The following DLG5 variants were observed in gnomAD, a reference collection of about 807,000 sequenced individuals.
DLG5 encodes disks large homolog 5.
A neutral mutation model predicts 189.8 loss-of-function variants in DLG5; 48 were observed. The ratio of observed to expected loss-of-function variants is 0.25; its 90% CI spans 0.20 to 0.32. The LOEUF (loss-of-function observed/expected upper bound fraction) is 0.32. Among genes scored for constraint, DLG5 ranks in the 10% least tolerant of loss-of-function variants. The pLI is 1.00. For synonymous variants in DLG5, 1,016 were observed against 1,054.1 expected, an observed-to-expected ratio of 0.96 and a Z score of 0.70; for missense variants, 2,160 against 2,544.7, an observed-to-expected ratio of 0.85 and a Z score of 3.25.
intron 2 of DLG5, among the ~76,000 whole-genome samples, chr10:77,858,345 CA>C (rs1281154413): frequency 6.6e-6 from 1 of 151,662 alleles, no homozygotes; most frequent in East Asian, 1.9e-4. Flanking sequence ...ACAAAAAATA[CA>C]AAAATTAGCC....
Position 77,830,364 on chromosome 10 carries a change from A to C in DLG5, c.1882-20T>G. ...ATCCTCCTGCAAAAACAGCAGCAACAGCAACGCATTTCACAAAGCAGTGAC... is the reference window on the plus strand; with the variant it reads ...ATCCTCCTGCAAAAACAGCAGCAACCGCAACGCATTTCACAAAGCAGTGAC... On this transcript the variant is annotated intron_variant, in intron 10 of 31. Coordinates refer to ENST00000372391, the MANE Select transcript of DLG5 (RefSeq NM_004747.4). The C allele has an allele frequency of 6.2e-7, 1 of 1,614,152 alleles. No individual in the cohort carries two copies. Among genetic ancestry groups the C allele is most frequent in the Non-Finnish European group, 8.5e-7 (1 of 1,180,020 alleles).
intron 1 of DLG5, among the ~76,000 whole-genome samples, chr10:77,891,094 G>A (rs533990182): frequency 2.0e-5 from 3 of 152,178 alleles, no homozygotes; most frequent in Admixed American, 6.5e-5. Flanking sequence ...AGACCTCTCC[G>A]AGGAGTTTCC....
intron 5 of DLG5, among the ~76,000 whole-genome samples, chr10:77,852,691 G>A (rs908141274): frequency 1.2e-4 from 18 of 152,164 alleles, no homozygotes; most frequent in Admixed American, 1.3e-4. Flanking sequence ...GATTACAGGC[G>A]TGAGCCACCG....
intron 27 of DLG5, among the ~76,000 whole-genome samples, chr10:77,799,214 G>A (rs904698753): frequency 6.6e-6 from 1 of 152,054 alleles, no homozygotes; most frequent in African/African-American, 2.4e-5. Flanking sequence ...GCAAAGGCAT[G>A]GTCCTGGGGG....
chr10:77,935,154 C>A, the DLG5 span, among the ~76,000 whole-genome samples: 1 of 151,746 alleles, frequency 6.6e-6, no homozygotes, highest in African/African-American at 2.4e-5. Flanking sequence ...CCGTGCCCAG[C>A]CTTAAATGGG....
At chr10:77,817,146 C>T (rs751244102) in intron 18 of DLG5, 50 bp from the exon 19 acceptor site, 1 of 1,493,888 alleles carries the variant, frequency 6.7e-7, no homozygotes, top group Admixed American at 1.7e-5. Flanking sequence ...TTAAACACCA[C>T]CCTGTCCTTC....
intron 20 of DLG5, among the ~76,000 whole-genome samples, chr10:77,813,648 C>T (rs1232712910): frequency 2.6e-5 from 4 of 152,176 alleles, no homozygotes; most frequent in African/African-American, 4.8e-5. Context: ...CCTGCCCCAG[C>T]CTTAGATGAT....
At chr10:77,856,347 G>A (rs1279903247) in intron 3 of DLG5, among the ~76,000 whole-genome samples, 3 of 152,086 alleles carry the variant, frequency 2.0e-5, no homozygotes, top group South Asian at 2.1e-4. Context: ...GCAAGACCCC[G>A]TCTCAAAAAA....
chr10:77,791,749 C>T lies in DLG5; in HGVS notation c.*691G>A, dbSNP rs1246567029. 2.0e-5 allele frequency: 3 copies of T among 152,978 alleles called. No individual in the cohort carries two copies. Among genetic ancestry groups the T allele is most frequent in the Non-Finnish European group, 4.4e-5 (3 of 68,402 alleles). 9.5% of individuals were successfully genotyped at this position (152,978 alleles called of 1,614,324 possible). On this transcript the variant is annotated 3_prime_UTR_variant, in exon 32 of 32. Coordinates refer to ENST00000372391, the MANE Select transcript of DLG5 (RefSeq NM_004747.4). ...GCACAGATGGAGGAGAAACGAGAGG[C>T]TGTGGAAGGCAGGAGAGAAAGGCCG...
chr10:77,882,347 A>G (rs912858912), intron 1 of DLG5, among the ~76,000 whole-genome samples: 1 of 152,174 alleles, frequency 6.6e-6, no homozygotes, highest in Non-Finnish European at 1.5e-5. Context: ...TACAGTCAGT[A>G]TTTCACAGGC....
chr10:77,830,902 C>A (rs749908668), intron 9 of DLG5, 29 bp from the exon 10 acceptor site: 3 of 1,610,532 alleles, frequency 1.9e-6, no homozygotes, highest in Admixed American at 1.7e-5. Context: ...ACGGTGACAG[C>A]CCCTTGGGAG....
At chr10:77,883,709 T>TA (rs999118821) in intron 1 of DLG5, among the ~76,000 whole-genome samples, 2 of 145,584 alleles carry the variant, frequency 1.4e-5, no homozygotes, top group African/African-American at 2.6e-5. Context: ...TTTTTTTTTT[T>TA]TTTTTGAGAC....
At chr10:77,797,023 G>T (rs527363829) in intron 27 of DLG5, among the ~76,000 whole-genome samples, 1 of 152,152 alleles carries the variant, frequency 6.6e-6, no homozygotes, top group Non-Finnish European at 1.5e-5. Flanking sequence ...AATCTGCACG[G>T]CTAGAACAGG....
At chr10:77,925,493 A>C (rs527962284) in intron 1 of DLG5, among the ~76,000 whole-genome samples, 2 of 152,082 alleles carry the variant, frequency 1.3e-5, no homozygotes, top group Non-Finnish European at 2.9e-5. Flanking sequence ...CATCCCCAAG[A>C]CCAAAGACAC....
At position 77,871,981 on chromosome 10, in the gene DLG5, C is replaced by G. The variant is rs369524854; in HGVS notation, c.305-2784G>C. Among the ~76,000 whole-genome samples, 15 of 152,280 alleles carry G rather than the reference C, an allele frequency of 9.9e-5. No homozygotes were observed. The East Asian group carries it at 2.7e-3, about 27-fold the overall frequency. On this transcript the variant is annotated intron_variant, in intron 1 of 31. Coordinates refer to ENST00000372391, the MANE Select transcript of DLG5 (RefSeq NM_004747.4). The stretch of plus-strand genomic sequence containing the variant: ...AAAGAACAAGAACCCAACACAATGC[C>G]TATTTTCTAAACTCAACTACCATTT...
At chr10:77,903,037 G>A (rs1845975629) in intron 1 of DLG5, among the ~76,000 whole-genome samples, 1 of 152,210 alleles carries the variant, frequency 6.6e-6, no homozygotes, top group Admixed American at 6.5e-5. Context: ...CAAACTTTCA[G>A]AGCATCAACA....
chr10:77,815,294 T>C (rs1841995600), intron 20 of DLG5, among the ~76,000 whole-genome samples: 1 of 152,224 alleles, frequency 6.6e-6, no homozygotes, highest in African/African-American at 2.4e-5. Context: ...CCTCTGTGTT[T>C]TGCTGTCCTT....
At chr10:77,908,350 C>T (rs981293008) in intron 1 of DLG5, among the ~76,000 whole-genome samples, 28 of 152,138 alleles carry the variant, frequency 1.8e-4, no homozygotes, top group African/African-American at 6.3e-4. Flanking sequence ...CTCACCTACC[C>T]ACCTGCGGCC....
At chr10:77,867,179 C>G in intron 2 of DLG5, 1 of 425,246 alleles carries the variant, frequency 2.4e-6, no homozygotes, top group South Asian at 1.7e-5. Flanking sequence ...TCCAGCTGCC[C>G]AAGAAATATC....
Sources: allele counts gnomAD v4.1 joint callset (sites outside exome capture counted in the v4.1 genomes callset), GRCh38; gene constraint gnomAD v4.1.1; transcripts MANE v1.5; gene names NCBI Gene and HGNC (gene_info 2026-07-23, HGNC 2026-07-21).